Variants in THADA observed in about 807,000 individuals in gnomAD.
The protein encoded by THADA is tRNA (32-2'-O)-methyltransferase regulator THADA.
THADA carries 213 observed loss-of-function variants against 219.8 expected under a neutral mutation model. That is an observed-to-expected ratio of 0.97 (90% CI 0.87 to 1.09). The LOEUF is 1.09. Among genes scored for constraint, THADA ranks in the 50% least tolerant of loss-of-function variants. The pLI is 0.00. For missense variants in THADA, 2,956 were observed against 2,311.3 expected, an observed-to-expected ratio of 1.28 and a Z score of -5.72; for synonymous variants, 1,018 against 828.9, an observed-to-expected ratio of 1.23 and a Z score of -3.92.
rs555165640 is a variant in THADA, at chr2:43,566,759, C to G, written c.2250G>C (p.Ser750=). 2 of 1,568,112 alleles carry G rather than the reference C, an allele frequency of 1.3e-6. No homozygotes were observed. Among genetic ancestry groups the G allele is most frequent in the East Asian group, 2.3e-5 (1 of 43,958 alleles). Residue 750 remains serine, a synonymous_variant, in exon 15 of 38, where the codon TCG becomes TCC. Transcript: ENST00000405975. ...AAATGGTTAAAGCTGAAAATCTAGT[C>G]GAGTAGGAAGATCCAGGAAACAATG... ...FEALFPGSSY[S]TRFSALTILG...
In THADA at chr2:43,286,908, C is replaced by T; in HGVS notation, c.5164G>A (p.Glu1722Lys). The T allele has an allele frequency of 6.2e-7, 1 of 1,609,082 alleles. No homozygotes were observed. The highest frequency in any genetic ancestry group is 8.5e-7 in the Non-Finnish European group (1 of 1,176,020). Reference sequence around the variant, plus strand: ...CAGACTTCCGTCTCGGCGCACTTACCAAGAATAGGATGGGGGTTGGTGAGG... The same window carrying T: ...CAGACTTCCGTCTCGGCGCACTTACTAAGAATAGGATGGGGGTTGGTGAGG... ...LFLTNPHPIL[E>K]LQDTLALWKC... The change falls in exon 35 of 38, where the codon GAG becomes AAG. Residue 1722 changes from glutamate (E) to lysine (K), a missense_variant and splice_region_variant. By Grantham distance (56) the Glu-to-Lys change is moderately conservative (BLOSUM62 1). Transcript: ENST00000405975.
chr2:43,367,243 T>C (rs1670262723), intron 29 of THADA, among the ~76,000 whole-genome samples: 1 of 152,186 alleles, frequency 6.6e-6, no homozygotes, highest in African/African-American at 2.4e-5. Flanking sequence ...GATGAAAATG[T>C]TCTGGAGACT....
At chr2:43,361,069 G>A (rs1474600075) in intron 29 of THADA, among the ~76,000 whole-genome samples, 1 of 151,142 alleles carries the variant, frequency 6.6e-6, no homozygotes, top group Non-Finnish European at 1.5e-5. Context: ...CTGAAAGGGG[G>A]TGCTACCAGT....
At chr2:43,373,508 C>A (rs1281980624) in intron 29 of THADA, among the ~76,000 whole-genome samples, 1 of 151,716 alleles carries the variant, frequency 6.6e-6, no homozygotes, top group African/African-American at 2.4e-5. Context: ...CAGGGTCTCA[C>A]TCTGTCTCCC....
intron 34 of THADA, among the ~76,000 whole-genome samples, chr2:43,291,117 G>A (rs1674644510): frequency 6.6e-6 from 1 of 151,880 alleles, no homozygotes; most frequent in African/African-American, 2.4e-5. Context: ...GTGTTTTGGG[G>A]GGAAGGTTCT....
At position 43,333,467 on chromosome 2, in the gene THADA, TA is replaced by T. The variant is rs1285893961; in HGVS notation, c.4343+10654del. Among the ~76,000 whole-genome samples the T allele has an allele frequency of 1.8e-3, 243 of 132,518 alleles. 1 individual carries two copies. The highest frequency in any genetic ancestry group is 0.013 in the South Asian group (53 of 4,192). 86.9% of individuals were successfully genotyped at this position (132,518 alleles called of 152,430 possible). On this transcript the variant is annotated intron_variant, in intron 30 of 37. Transcript: ENST00000405975. Reference sequence around the variant, plus strand: ...GTTACTACCTCTTCCATTTTTTTCCTAAAAAAAAAAAATAACTTTTTCTAAA... The same window carrying T: ...GTTACTACCTCTTCCATTTTTTTCCTAAAAAAAAAAATAACTTTTTCTAAA...
At chr2:43,405,644 A>C (rs147996099) in intron 28 of THADA, among the ~76,000 whole-genome samples, 9 of 152,196 alleles carry the variant, frequency 5.9e-5, no homozygotes, top group African/African-American at 2.2e-4. Flanking sequence ...TTATTCAAAT[A>C]TATTTCTTGG....
At chr2:43,446,110 A>G (rs1478526947) in intron 26 of THADA, among the ~76,000 whole-genome samples, 2 of 152,242 alleles carry the variant, frequency 1.3e-5, no homozygotes, top group African/African-American at 4.8e-5. Flanking sequence ...GGCAGCTTAC[A>G]TGGGTATTTT....
chr2:43,434,193 T>C (rs1333154612), intron 26 of THADA, among the ~76,000 whole-genome samples: 1 of 152,118 alleles, frequency 6.6e-6, no homozygotes, highest in Non-Finnish European at 1.5e-5. Context: ...TTAATACACG[T>C]ATAAAACTTG....
chr2:43,545,132 C>G lies in THADA; in HGVS notation c.3107-3816G>C, dbSNP rs565486075. 2.6e-5 allele frequency among the ~76,000 whole-genome samples: 4 copies of G among 152,224 alleles called. No individual in the cohort carries two copies. The East Asian group carries it at 5.8e-4, about 22-fold the overall frequency. ...CCTTTTCTGCATCTATTGAGATAAT[C>G]ATGTGGTTTTTGTCTTTCGTTCTGT... is the stretch of plus-strand genomic sequence containing the variant. On this transcript the variant is annotated intron_variant, in intron 20 of 37. Coordinates refer to ENST00000405975, the MANE Select transcript of THADA (RefSeq NM_022065.5).
chr2:43,284,908 A>G (rs913212250), intron 35 of THADA, among the ~76,000 whole-genome samples: 8 of 152,298 alleles, frequency 5.3e-5, no homozygotes, highest in Admixed American at 3.9e-4. Context: ...AATTTATTTT[A>G]AAGCTTTAAG....
chr2:43,517,659 G>A (rs1022821376), intron 22 of THADA, among the ~76,000 whole-genome samples: 2 of 151,958 alleles, frequency 1.3e-5, no homozygotes, highest in Non-Finnish European at 2.9e-5. Flanking sequence ...TCCCCTCCCC[G>A]CTTCCATGCA....
In THADA at chr2:43,556,430, T is replaced by G; in HGVS notation, c.2589A>C (p.Ser863=). ...GCTGAGTTAAGTAGGCAGACAAGGATGACGGTAGAGCATCCTGCCAGATTA... is the reference window on the plus strand; with the variant it reads ...GCTGAGTTAAGTAGGCAGACAAGGAGGACGGTAGAGCATCCTGCCAGATTA... The part of the protein sequence containing the change: ...NFLIWQDALP[S]SLSAYLTQQV... Residue 863 remains serine (S), a synonymous_variant, in exon 17 of 38, where the codon TCA becomes TCC. Coordinates refer to ENST00000405975, the MANE Select transcript of THADA (RefSeq NM_022065.5). 6.2e-7 allele frequency: 1 copy of G among 1,613,846 alleles called. No homozygotes were observed. Among genetic ancestry groups the G allele is most frequent in the Non-Finnish European group, 8.5e-7 (1 of 1,179,810 alleles).
intron 17 of THADA, among the ~76,000 whole-genome samples, chr2:43,552,619 G>C (rs2103886296): frequency 6.6e-6 from 1 of 151,954 alleles, no homozygotes; most frequent in African/African-American, 2.4e-5. Flanking sequence ...AGGCTGATGT[G>C]GCATGTGCTA....
intron 29 of THADA, among the ~76,000 whole-genome samples, chr2:43,375,822 G>C (rs888748012): frequency 6.6e-6 from 1 of 152,128 alleles, no homozygotes; most frequent in Non-Finnish European, 1.5e-5. Context: ...ACAGTGTTAA[G>C]ACAGCAAAGG....
chr2:43,334,675 T>C (rs1311441854), intron 30 of THADA, among the ~76,000 whole-genome samples: 15 of 151,684 alleles, frequency 9.9e-5, no homozygotes, highest in Admixed American at 9.8e-4. Context: ...CTCGGGAGGC[T>C]CAGGCAGGAG....
chr2:43,461,478 T>C, intron 26 of THADA, among the ~76,000 whole-genome samples: 1 of 152,188 alleles, frequency 6.6e-6, no homozygotes, highest in East Asian at 1.9e-4. Context: ...CAAACCTGAC[T>C]AGGGTCTTTA....
intron 28 of THADA, among the ~76,000 whole-genome samples, chr2:43,404,334 G>A (rs1043976601): frequency 4.0e-5 from 6 of 151,310 alleles, no homozygotes; most frequent in South Asian, 2.1e-4. Flanking sequence ...CTGGGATTAC[G>A]GTTGGGTGCC....
chr2:43,563,002 CT>C (rs749643814), intron 15 of THADA: 1 of 152,094 alleles, frequency 6.6e-6, no homozygotes, highest in African/African-American at 2.4e-5. Context: ...ATTTGTTAAT[CT>C]TTAAAAAACA....
Sources: gnomAD v4.1 joint callset for allele counts (sites outside exome capture counted in the v4.1 genomes callset) on GRCh38, gnomAD v4.1.1 for gene constraint, MANE v1.5 for transcripts, NCBI Gene and HGNC (gene_info 2026-07-23, HGNC 2026-07-21) for gene names.